The following DLG2 variants were observed in gnomAD, a reference collection of about 807,000 sequenced individuals.
DLG2 encodes disks large homolog 2.
A neutral mutation model predicts 132.5 loss-of-function variants in DLG2; 45 were observed. The ratio of observed to expected loss-of-function variants is 0.34; its 90% CI spans 0.27 to 0.44. The LOEUF (loss-of-function observed/expected upper bound fraction) is 0.44, where lower values mean the gene tolerates loss of function less well. DLG2 is among the 20% of genes least tolerant of loss of function. DLG2 has a pLI of 1.00. For synonymous variants in DLG2, 424 were observed against 419.6 expected (o/e 1.01, Z -0.13); for missense variants, 1,045 against 1,196.9 (o/e 0.87, Z 1.87).
chr11:83,468,518 A>G (rs534318380), intron 25 of DLG2, among the ~76,000 whole-genome samples: 40 of 152,308 alleles, frequency 2.6e-4, no homozygotes, highest in Non-Finnish European at 5.0e-4. Context: ...ATAGACATCA[A>G]AATTACTTAA....
At chr11:83,530,226 G>A (rs1333497324) in intron 21 of DLG2, among the ~76,000 whole-genome samples, 1 of 151,976 alleles carries the variant, frequency 6.6e-6, no homozygotes, top group African/African-American at 2.4e-5. Context: ...AGGACTTTAT[G>A]TCATGATGTC....
At chr11:85,403,336 T>G (rs2088376341) in intron 3 of DLG2, among the ~76,000 whole-genome samples, 1 of 151,936 alleles carries the variant, frequency 6.6e-6, no homozygotes, top group African/African-American at 2.4e-5. Context: ...CATTGGGGCC[T>G]GTCAGTTGGT....
chr11:84,900,841 A>G (rs919737160), intron 6 of DLG2, among the ~76,000 whole-genome samples: 4 of 152,034 alleles, frequency 2.6e-5, no homozygotes, highest in African/African-American at 9.7e-5. Flanking sequence ...AAGGTTTTAA[A>G]TAATACATTA....
chr11:85,436,560 A>C (rs1199354225), intron 3 of DLG2, among the ~76,000 whole-genome samples: 1 of 152,188 alleles, frequency 6.6e-6, no homozygotes, highest in Non-Finnish European at 1.5e-5. Context: ...TGAAAAAAAC[A>C]CAGCATCATT....
intron 7 of DLG2, among the ~76,000 whole-genome samples, chr11:84,493,501 G>T (rs574765713): frequency 2.0e-5 from 3 of 152,076 alleles, no homozygotes; most frequent in African/African-American, 7.2e-5. Context: ...CTCCTATTTT[G>T]GGAGCATTTT....
chr11:84,717,285 G>A (rs759333158), intron 6 of DLG2, among the ~76,000 whole-genome samples: 1 of 151,970 alleles, frequency 6.6e-6, no homozygotes, highest in Non-Finnish European at 1.5e-5. Flanking sequence ...GGTTTCTGAA[G>A]TATCCTTATT....
intron 3 of DLG2, among the ~76,000 whole-genome samples, chr11:85,404,296 G>A (rs567987290): frequency 6.6e-6 from 1 of 152,108 alleles, no homozygotes; most frequent in South Asian, 2.1e-4. Flanking sequence ...GAATTCAGAA[G>A]AGGACCAAAG....
intron 4 of DLG2, among the ~76,000 whole-genome samples, chr11:85,229,770 G>A (rs1343026845): frequency 6.6e-6 from 1 of 152,086 alleles, no homozygotes; most frequent in African/African-American, 2.4e-5. Context: ...ACTGGATAAA[G>A]AATATGTGGC....
intron 25 of DLG2, among the ~76,000 whole-genome samples, chr11:83,468,059 T>TC (rs1400753952): frequency 1.3e-5 from 2 of 151,952 alleles, no homozygotes; most frequent in African/African-American, 2.4e-5. Context: ...CACATCATAT[T>TC]CTACCTCCTG....
At chr11:84,653,856 C>T (rs1167632767) in intron 6 of DLG2, among the ~76,000 whole-genome samples, 1 of 152,132 alleles carries the variant, frequency 6.6e-6, no homozygotes, top group Non-Finnish European at 1.5e-5. Context: ...GAATTAGTAG[C>T]TTATTGTCTC....
At chr11:84,903,470 G>T (rs1439579202) in intron 6 of DLG2, among the ~76,000 whole-genome samples, 1 of 152,030 alleles carries the variant, frequency 6.6e-6, no homozygotes, top group South Asian at 2.1e-4. Context: ...AAGCACATAG[G>T]TACCAGTATG....
intron 6 of DLG2, among the ~76,000 whole-genome samples, chr11:85,075,725 G>A (rs2066448676): frequency 6.6e-6 from 1 of 151,506 alleles, no homozygotes; most frequent in Non-Finnish European, 1.5e-5. Flanking sequence ...TATGTATATA[G>A]GTATGTGCAT....
chr11:85,575,260 G>T (rs1416588654), intron 3 of DLG2, among the ~76,000 whole-genome samples: 1 of 152,030 alleles, frequency 6.6e-6, no homozygotes, highest in African/African-American at 2.4e-5. Context: ...TTGAGGTCAA[G>T]TGCAGTGGCT....
chr11:84,265,340 G>A lies in DLG2; in HGVS notation c.520-14049C>T, dbSNP rs142168108. ...AATTCACATGATTTTGTTAGACTTCGAACAATGCTAAAAAGTTATATATAA... is the reference window on the plus strand; with the variant it reads ...AATTCACATGATTTTGTTAGACTTCAAACAATGCTAAAAAGTTATATATAA... On this transcript the variant is annotated intron_variant, in intron 7 of 27. Coordinates refer to ENST00000376104, the MANE Select transcript of DLG2 (RefSeq NM_001142699.3). Among the ~76,000 whole-genome samples the A allele has an allele frequency of 2.3e-3, 356 of 152,178 alleles. 1 individual carries two copies. Among genetic ancestry groups the A allele is most frequent in the Non-Finnish European group, 4.2e-3 (284 of 68,002 alleles).
intron 3 of DLG2, among the ~76,000 whole-genome samples, chr11:85,383,897 A>G (rs1198821607): frequency 7.9e-5 from 12 of 152,064 alleles, no homozygotes; most frequent in Admixed American, 7.9e-4. Flanking sequence ...GGCTTTCTTA[A>G]ATGTGCTCCA....
At chr11:84,962,302 T>C (rs2052692708) in intron 6 of DLG2, among the ~76,000 whole-genome samples, 1 of 152,214 alleles carries the variant, frequency 6.6e-6, no homozygotes, top group Non-Finnish European at 1.5e-5. Flanking sequence ...GCTGGACTCT[T>C]CTATTGCCAT....
chr11:83,538,599 T>C (rs1592734585), intron 20 of DLG2, among the ~76,000 whole-genome samples: 1 of 152,326 alleles, frequency 6.6e-6, no homozygotes, highest in Non-Finnish European at 1.5e-5. Flanking sequence ...TATTTTTGGG[T>C]AAGTTACTCG....
At chr11:83,671,617 C>T (rs2076836821) in intron 18 of DLG2, among the ~76,000 whole-genome samples, 1 of 152,152 alleles carries the variant, frequency 6.6e-6, no homozygotes, top group Admixed American at 6.5e-5. Flanking sequence ...GGAAGAGAAA[C>T]ATCTTTCAGA....
chr11:83,581,918 T>TTCA (rs2096983418), intron 19 of DLG2, among the ~76,000 whole-genome samples: 1 of 151,682 alleles, frequency 6.6e-6, no homozygotes, highest in Non-Finnish European at 1.5e-5. Flanking sequence ...CATTTTGATG[T>TTCA]TCTTGAATTT....
Sources: allele counts gnomAD v4.1 joint callset (sites outside exome capture counted in the v4.1 genomes callset), GRCh38; gene constraint gnomAD v4.1.1; transcripts MANE v1.5; gene names NCBI Gene and HGNC (gene_info 2026-07-23, HGNC 2026-07-21).